Variants in TPRG1 observed in about 807,000 individuals in gnomAD.
TPRG1 encodes tumor protein p63 regulated 1.
Under a neutral mutation model 29.3 loss-of-function variants are expected in TPRG1, and 29 were observed. That is an observed-to-expected ratio of 0.99 (90% CI 0.74 to 1.35). TPRG1 has a LOEUF of 1.35. Ranked by LOEUF, TPRG1 falls within the 40% of genes most tolerant of loss-of-function variation. TPRG1 has a pLI of 0.00. For synonymous variants in TPRG1, 130 were observed against 116.8 expected, an observed-to-expected ratio of 1.11 and a Z score of -0.73; for missense variants, 327 against 335.0, an observed-to-expected ratio of 0.98 and a Z score of 0.19.
intron 4 of TPRG1, among the ~76,000 whole-genome samples, chr3:189,279,954 G>T (rs1716820074): frequency 1.3e-5 from 2 of 152,194 alleles, no homozygotes; most frequent in Non-Finnish European, 2.9e-5. Context: ...TAGAGGAAAA[G>T]TTAGAATATT....
At chr3:189,115,146 G>A (rs1721018854) in intron 1 of TPRG1, among the ~76,000 whole-genome samples, 1 of 152,156 alleles carries the variant, frequency 6.6e-6, no homozygotes, top group Admixed American at 6.5e-5. Flanking sequence ...CAATTCAGGG[G>A]GTGGAGCACA....
chr3:189,225,953 A>G (rs1222110428), intron 3 of TPRG1, among the ~76,000 whole-genome samples: 1 of 152,250 alleles, frequency 6.6e-6, no homozygotes, highest in Non-Finnish European at 1.5e-5. Flanking sequence ...CCAAGAAGAT[A>G]CAGCAATTCT....
At chr3:189,199,573 C>T (rs766638877) in intron 1 of TPRG1, among the ~76,000 whole-genome samples, 6 of 152,214 alleles carry the variant, frequency 3.9e-5, no homozygotes, top group Non-Finnish European at 8.8e-5. Flanking sequence ...GGCCCGATGG[C>T]TTACGCCTGT....
At chr3:189,105,823 T>C (rs1221564109) in intron 1 of TPRG1, among the ~76,000 whole-genome samples, 1 of 152,160 alleles carries the variant, frequency 6.6e-6, no homozygotes, top group East Asian at 1.9e-4. Context: ...ATATAGAGAC[T>C]TTCTAAATTG....
intron 5 of TPRG1, among the ~76,000 whole-genome samples, chr3:189,315,188 A>C (rs954301819): frequency 2.0e-5 from 3 of 152,066 alleles, no homozygotes; most frequent in African/African-American, 7.2e-5. Flanking sequence ...AGTTATTCAG[A>C]GGGATTAAGT....
At chr3:189,099,145 C>G (rs1315383007), upstream of TPRG1, among the ~76,000 whole-genome samples, 1 of 151,988 alleles carries the variant, frequency 6.6e-6, no homozygotes, top group Non-Finnish European at 1.5e-5. Context: ...GCGGCCGACA[C>G]CACACTTGGT....
intron 4 of TPRG1, among the ~76,000 whole-genome samples, chr3:189,276,202 G>A (rs1264200806): frequency 6.6e-6 from 1 of 152,176 alleles, no homozygotes; most frequent in Non-Finnish European, 1.5e-5. Flanking sequence ...GGGAATGAAA[G>A]GCTGAGCGAT....
intron 4 of TPRG1, among the ~76,000 whole-genome samples, chr3:189,148,063 A>G (rs1040359147): frequency 3.3e-5 from 5 of 152,214 alleles, no homozygotes; most frequent in African/African-American, 1.2e-4. Context: ...TGATTCACAG[A>G]TGTGAATTCT....
intron 4 of TPRG1, among the ~76,000 whole-genome samples, chr3:189,035,733 C>G (rs1714224761): frequency 6.6e-6 from 1 of 151,356 alleles, no homozygotes; most frequent in Non-Finnish European, 1.5e-5. Flanking sequence ...CCAACTCATA[C>G]TAGTCAGAAT....
chr3:189,149,672 T>C (rs1254258122), intron 4 of TPRG1, among the ~76,000 whole-genome samples: 1 of 152,172 alleles, frequency 6.6e-6, no homozygotes, highest in East Asian at 1.9e-4. Flanking sequence ...CTTTCTCTTG[T>C]TCCTTGTCTT....
At chr3:189,074,398 G>T (rs1717003737) in intron 4 of TPRG1, among the ~76,000 whole-genome samples, 1 of 151,526 alleles carries the variant, frequency 6.6e-6, no homozygotes, top group African/African-American at 2.4e-5. Context: ...GTAGAGATGG[G>T]GTTTCACCGT....
chr3:189,052,726 A>ATT (rs1184937066), intron 4 of TPRG1, among the ~76,000 whole-genome samples: 10 of 152,032 alleles, frequency 6.6e-5, no homozygotes, highest in African/African-American at 9.7e-5. Context: ...TAAAGAAACT[A>ATT]TTATATATAT....
intron 4 of TPRG1, among the ~76,000 whole-genome samples, chr3:189,076,923 C>CATGT (rs1717212959): frequency 7.1e-6 from 1 of 140,622 alleles, no homozygotes; most frequent in Non-Finnish European, 1.5e-5. Context: ...TATATGTGTA[C>CATGT]ATATATATAT....
At chr3:189,268,215 G>A (rs150039614) in intron 4 of TPRG1, among the ~76,000 whole-genome samples, 34 of 152,234 alleles carry the variant, frequency 2.2e-4, no homozygotes, top group African/African-American at 8.2e-4. Context: ...TTCGCCTTTG[G>A]GTATCTGTGC....
intron 1 of TPRG1, among the ~76,000 whole-genome samples, chr3:189,105,092 T>C (rs1315469345): frequency 6.6e-6 from 1 of 152,176 alleles, no homozygotes; most frequent in Non-Finnish European, 1.5e-5. Context: ...AGAAACCGTT[T>C]ATAGTTTACA....
intron 4 of TPRG1, among the ~76,000 whole-genome samples, chr3:189,031,017 C>G (rs1713903476): frequency 6.6e-6 from 1 of 152,192 alleles, no homozygotes; most frequent in Non-Finnish European, 1.5e-5. Flanking sequence ...CGCCTGTAAT[C>G]CCAGCACTTT....
chr3:189,105,375 A>T (rs1719694812), intron 1 of TPRG1, among the ~76,000 whole-genome samples: 2 of 152,046 alleles, frequency 1.3e-5, no homozygotes, highest in Non-Finnish European at 2.9e-5. Flanking sequence ...ATGGCTTCTG[A>T]ATTGACTTCC....
intron 5 of TPRG1, among the ~76,000 whole-genome samples, chr3:189,152,034 G>A (rs531214247): frequency 3.0e-4 from 45 of 152,180 alleles, no homozygotes; most frequent in Non-Finnish European, 5.6e-4. Context: ...ATAGGAGTAT[G>A]GTCTGGATTG....
intron 1 of TPRG1, among the ~76,000 whole-genome samples, chr3:189,194,915 G>T (rs563722291): frequency 1.8e-4 from 28 of 152,120 alleles, no homozygotes; most frequent in Non-Finnish European, 2.9e-4. Flanking sequence ...AGGAAGAGGG[G>T]TGTCTCAGCA....
Sources: allele counts gnomAD v4.1 joint callset (sites outside exome capture counted in the v4.1 genomes callset), GRCh38; gene constraint gnomAD v4.1.1; transcripts MANE v1.5; gene names NCBI Gene and HGNC (gene_info 2026-07-23, HGNC 2026-07-21).